The following CNIH3 variants were observed in gnomAD, a reference collection of about 807,000 sequenced individuals.
The protein encoded by CNIH3 is cornichon family AMPA receptor auxiliary protein 3.
CNIH3 carries 14 observed loss-of-function variants against 24.1 expected under a neutral mutation model. The ratio of observed to expected loss-of-function variants is 0.58; its 90% CI spans 0.38 to 0.91. CNIH3 has a LOEUF of 0.91. CNIH3 is among the 40% of genes least tolerant of loss of function. The pLI is 0.00. For synonymous variants in CNIH3, 68 were observed against 73.8 expected (o/e 0.92, Z 0.40); for missense variants, 178 against 196.8 (o/e 0.90, Z 0.57).
chr1:224,574,871 C>A, intron 4 of CNIH3: 1 of 995,080 alleles, frequency 1.0e-6, no homozygotes. Context: ...CATGGGCGGG[C>A]ATGGAAGAGC....
At chr1:224,457,701 T>G (rs997077572) in intron 1 of CNIH3, among the ~76,000 whole-genome samples, 1 of 152,154 alleles carries the variant, frequency 6.6e-6, no homozygotes, top group African/African-American at 2.4e-5. Flanking sequence ...TGTTGATAAC[T>G]CTGACACCTG....
At chr1:224,568,844 A>G (rs975337121) in intron 4 of CNIH3, among the ~76,000 whole-genome samples, 2 of 152,066 alleles carry the variant, frequency 1.3e-5, no homozygotes, top group African/African-American at 4.8e-5. Flanking sequence ...CCCTTCTCAG[A>G]TGTAGCTATT....
chr1:224,506,450 GCCA>G (rs1477677642), intron 1 of CNIH3, among the ~76,000 whole-genome samples: 2 of 152,212 alleles, frequency 1.3e-5, no homozygotes, highest in Non-Finnish European at 2.9e-5. Flanking sequence ...CCTGCTCGAT[GCCA>G]CCCTCCTGGC....
intron 3 of CNIH3, among the ~76,000 whole-genome samples, chr1:224,686,227 G>A (rs1246735494): frequency 7.0e-6 from 1 of 142,954 alleles, no homozygotes; most frequent in Non-Finnish European, 1.5e-5. Context: ...TCATTGTTCA[G>A]TTCCCACCTA....
chr1:224,514,831 A>G (rs890943597), upstream of CNIH3, among the ~76,000 whole-genome samples: 1 of 152,166 alleles, frequency 6.6e-6, no homozygotes, highest in Non-Finnish European at 1.5e-5. Flanking sequence ...CCCTGTCTCA[A>G]AAAACAAACA....
At chr1:224,613,957 C>T (rs1159874509), upstream of CNIH3, among the ~76,000 whole-genome samples, 1 of 151,832 alleles carries the variant, frequency 6.6e-6, no homozygotes, top group East Asian at 1.9e-4. Flanking sequence ...CAGCTCACTG[C>T]ACCCTTGACC....
At chr1:224,485,605 G>C (rs1399453980) in intron 1 of CNIH3, among the ~76,000 whole-genome samples, 1 of 152,048 alleles carries the variant, frequency 6.6e-6, no homozygotes, top group African/African-American at 2.4e-5. Context: ...CAATCCTGTT[G>C]CCTCAGCCTC....
intron 3 of CNIH3, among the ~76,000 whole-genome samples, chr1:224,728,514 T>A (rs1315234228): frequency 6.6e-6 from 1 of 152,130 alleles, no homozygotes; most frequent in Non-Finnish European, 1.5e-5. Context: ...GCCTGAGAAG[T>A]CTAAGGTGAG....
intron 3 of CNIH3, among the ~76,000 whole-genome samples, chr1:224,553,921 C>T (rs1680030947): frequency 1.3e-5 from 2 of 150,218 alleles, no homozygotes; most frequent in African/African-American, 2.4e-5. Context: ...TCAAATACTT[C>T]GTACCTCTGT....
At chr1:224,484,157 G>T in intron 1 of CNIH3, among the ~76,000 whole-genome samples, 1 of 131,712 alleles carries the variant, frequency 7.6e-6, no homozygotes, top group African/African-American at 2.9e-5. Flanking sequence ...GGCAACAAGA[G>T]CAAAACTCTG....
At chr1:224,483,597 A>G (rs1676903217) in intron 1 of CNIH3, among the ~76,000 whole-genome samples, 1 of 150,522 alleles carries the variant, frequency 6.6e-6, no homozygotes. Context: ...AGGTCTCACT[A>G]TGTTGGCCAG....
At chr1:224,510,934 C>T (rs1678126523), upstream of CNIH3, among the ~76,000 whole-genome samples, 1 of 152,232 alleles carries the variant, frequency 6.6e-6, no homozygotes, top group African/African-American at 2.4e-5. Context: ...CATTCCACCA[C>T]AGGCCAGCAC....
intron 3 of CNIH3, among the ~76,000 whole-genome samples, chr1:224,562,911 C>G (rs750917503): frequency 2.8e-4 from 43 of 152,134 alleles, no homozygotes; most frequent in Admixed American, 6.5e-4. Flanking sequence ...ACACAAAGTG[C>G]TGAAAAGAGT....
rs376144011 is a variant in CNIH3, at chr1:224,617,900, A to T, written c.81+645A>T. ...TCACGAAGAGAGACCGTGGAGAGCG[A>T]CGACGGTGTCCTCCATCTGCCCTCT... On this transcript the variant is annotated intron_variant, in intron 1 of 5. Coordinates refer to ENST00000272133, the MANE Select transcript of CNIH3 (RefSeq NM_152495.2). 1.3e-3 allele frequency among the ~76,000 whole-genome samples: 201 copies of T among 152,266 alleles called. 9 individuals are homozygous for T. In the South Asian group the frequency reaches 0.04, roughly 30 times the overall value.
At chr1:224,507,653 G>A (rs190220747) in intron 1 of CNIH3, among the ~76,000 whole-genome samples, 7 of 152,306 alleles carry the variant, frequency 4.6e-5, no homozygotes, top group African/African-American at 1.4e-4. Context: ...TCTCTGCTCT[G>A]TTATCAAGGG....
chr1:224,517,020 T>C (rs762975735), intron 1 of CNIH3, among the ~76,000 whole-genome samples: 1 of 152,134 alleles, frequency 6.6e-6, no homozygotes, highest in Non-Finnish European at 1.5e-5. Flanking sequence ...ACCTGGATCC[T>C]GGAGATGGGG....
chr1:224,722,677 G>C (rs879126779), intron 3 of CNIH3, among the ~76,000 whole-genome samples: 1 of 152,148 alleles, frequency 6.6e-6, no homozygotes, highest in Non-Finnish European at 1.5e-5. Context: ...GGGGAGTGCA[G>C]TCAGCAATCT....
intron 2 of CNIH3, chr1:224,529,304 T>C (rs1678968760): frequency 6.6e-6 from 1 of 152,234 alleles, no homozygotes; most frequent in African/African-American, 2.4e-5. Context: ...TTAATTTATT[T>C]AGCAGCATCT....
chr1:224,702,539 G>A (rs971710464), intron 3 of CNIH3, among the ~76,000 whole-genome samples: 3 of 152,160 alleles, frequency 2.0e-5, no homozygotes, highest in Non-Finnish European at 2.9e-5. Flanking sequence ...TTGCAGAGGC[G>A]GCCTTCTGTC....
Sources: gnomAD v4.1 joint callset for allele counts (sites outside exome capture counted in the v4.1 genomes callset) on GRCh38, gnomAD v4.1.1 for gene constraint, MANE v1.5 for transcripts, NCBI Gene and HGNC (gene_info 2026-07-23, HGNC 2026-07-21) for gene names.